SHISA6: variants seen among roughly 807,000 people sequenced by gnomAD.
The protein encoded by SHISA6 is shisa family member 6, also known as protein shisa-6.
In SHISA6, 22 loss-of-function variants were observed where a neutral mutation model predicts 47.9. The observed-to-expected ratio is 0.46, with a 90% CI of 0.33 to 0.66. The LOEUF is 0.66. SHISA6 is among the 30% of genes least tolerant of loss of function. The pLI, the probability that SHISA6 is intolerant of heterozygous loss-of-function variation, is 0.02. For missense variants in SHISA6, 680 were observed against 764.6 expected (o/e 0.89, Z 1.30); for synonymous variants, 388 against 337.8 (o/e 1.15, Z -1.63).
chr17:11,261,835 G>T (rs1014008543), intron 1 of SHISA6, among the ~76,000 whole-genome samples: 2 of 152,152 alleles, frequency 1.3e-5, no homozygotes, highest in African/African-American at 4.8e-5. Context: ...GAGTAGATTT[G>T]CTGGGCCATA....
intron 3 of SHISA6, among the ~76,000 whole-genome samples, chr17:11,488,547 G>T (rs1176948674): frequency 1.4e-4 from 21 of 152,154 alleles, no homozygotes; most frequent in Admixed American, 1.4e-3. Context: ...TACTACAAAT[G>T]CTTGGAGTAC....
At chr17:11,421,039 T>G (rs1402971169) in intron 3 of SHISA6, among the ~76,000 whole-genome samples, 1 of 152,186 alleles carries the variant, frequency 6.6e-6, no homozygotes. Context: ...AGCCCATTTC[T>G]CCTCATCCCA....
At chr17:11,431,717 T>A (rs1297570512) in intron 3 of SHISA6, among the ~76,000 whole-genome samples, 2 of 152,184 alleles carry the variant, frequency 1.3e-5, no homozygotes, top group East Asian at 1.9e-4. Flanking sequence ...TCCTTAAACC[T>A]AAGTTATTCA....
intron 2 of SHISA6, among the ~76,000 whole-genome samples, chr17:11,353,913 A>G (rs1911988136): frequency 6.6e-6 from 1 of 152,124 alleles, no homozygotes; most frequent in Non-Finnish European, 1.5e-5. Context: ...AGACAGGGAA[A>G]AGGAACAGGC....
chr17:11,462,802 ATT>A lies in SHISA6; in HGVS notation c.895+83297_895+83298del, dbSNP rs568274083. Among the ~76,000 whole-genome samples the A allele has an allele frequency of 7.2e-3, 1,096 of 151,992 alleles. 15 individuals carry two copies. Among genetic ancestry groups the A allele is most frequent in the African/African-American group, 0.025 (1,042 of 41,480 alleles). On this transcript the variant is annotated intron_variant, in intron 3 of 5. Transcript: ENST00000441885. ...GCCACCATGCCTGGCTAATTTTTGT[ATT>A]TTTAGTGGAGATGAGGTTTCACCAT...
At chr17:11,425,426 G>C (rs935639003) in intron 3 of SHISA6, among the ~76,000 whole-genome samples, 6 of 152,186 alleles carry the variant, frequency 3.9e-5, no homozygotes, top group Admixed American at 6.5e-5. Flanking sequence ...TCATCTTATA[G>C]TTAATAGGGT....
chr17:11,251,124 G>A (rs925424116), intron 1 of SHISA6, among the ~76,000 whole-genome samples: 1 of 152,040 alleles, frequency 6.6e-6, no homozygotes, highest in Non-Finnish European at 1.5e-5. Flanking sequence ...TAGAACAGTT[G>A]GGTCTCACCT....
chr17:11,552,044 G>T, intron 4 of SHISA6, 92 bp downstream of exon 4: 1 of 1,323,672 alleles, frequency 7.6e-7, no homozygotes, highest in Non-Finnish European at 1.1e-6. Flanking sequence ...CAAACACACG[G>T]TCATAAACTC....
chr17:11,241,526 T>C lies in SHISA6; in HGVS notation c.104T>C (p.Leu35Pro). Residue 35 changes from leucine (L) to proline (P), a missense_variant, in exon 1 of 6, where the codon CTG becomes CCG. This residue lies in a region of SHISA6 where 121 missense variants were observed against 90.5 expected (regional missense o/e 1.34). Coordinates refer to ENST00000441885, the MANE Select transcript of SHISA6 (RefSeq NM_207386.4). This position sits in a 1 kb window ranked among gnomAD's most constrained non-coding sequence, Gnocchi z 5.5. Reference protein sequence around the residue: ...GARGRAANRTLSAGGAAVGGR... With the variant: ...GARGRAANRTPSAGGAAVGGR... Reference sequence around the variant, plus strand: ...CGCGGCCGCGCCGCCAACCGGACCCTGAGTGCAGGCGGCGCTGCCGTCGGG... The same window carrying C: ...CGCGGCCGCGCCGCCAACCGGACCCCGAGTGCAGGCGGCGCTGCCGTCGGG... The C allele has an allele frequency of 2.7e-6, 3 of 1,121,334 alleles. No individual in the cohort carries two copies. The highest frequency in any genetic ancestry group is 2.2e-6 in the Non-Finnish European group (2 of 916,714). 69.5% of individuals were successfully genotyped at this position (1,121,334 alleles called of 1,614,324 possible). A position where few individuals can be genotyped will look rare whatever the true frequency, so the allele number is the denominator to read the frequency against.
chr17:11,244,101 G>A (rs534830828), intron 1 of SHISA6, among the ~76,000 whole-genome samples: 15 of 152,290 alleles, frequency 9.8e-5, no homozygotes, highest in African/African-American at 3.1e-4. Flanking sequence ...GGGTGAAGGT[G>A]ATTACGGCAT....
At chr17:11,291,508 C>T (rs1597443118) in intron 2 of SHISA6, among the ~76,000 whole-genome samples, 1 of 152,042 alleles carries the variant, frequency 6.6e-6, no homozygotes, top group Non-Finnish European at 1.5e-5. Context: ...GTGGCGGGCG[C>T]CTGTAGTCCC....
At chr17:11,528,571 G>T (rs1377013314) in intron 3 of SHISA6, among the ~76,000 whole-genome samples, 1 of 152,174 alleles carries the variant, frequency 6.6e-6, no homozygotes. Flanking sequence ...GCATGGAATT[G>T]TATGTGTAAT....
At chr17:11,261,406 G>A (rs1258379315) in intron 1 of SHISA6, among the ~76,000 whole-genome samples, 1 of 152,246 alleles carries the variant, frequency 6.6e-6, no homozygotes, top group Non-Finnish European at 1.5e-5. Flanking sequence ...GACCAGCTCA[G>A]TGCAGCCCAC....
At chr17:11,354,429 G>C (rs906720447) in intron 2 of SHISA6, among the ~76,000 whole-genome samples, 1 of 152,172 alleles carries the variant, frequency 6.6e-6, no homozygotes, top group African/African-American at 2.4e-5. Flanking sequence ...TGATGGCAGG[G>C]ATGCTACCAG....
At chr17:11,331,306 A>G (rs1911102270) in intron 2 of SHISA6, among the ~76,000 whole-genome samples, 1 of 152,226 alleles carries the variant, frequency 6.6e-6, no homozygotes, top group African/African-American at 2.4e-5. Context: ...CAAAAGAGAC[A>G]ACAAACAGCA....
At chr17:11,400,679 C>G (rs1913739545) in intron 3 of SHISA6, among the ~76,000 whole-genome samples, 1 of 152,134 alleles carries the variant, frequency 6.6e-6, no homozygotes, top group South Asian at 2.1e-4. Context: ...GTAGTGGTTT[C>G]CATTTCCTAT....
At chr17:11,308,636 G>A (rs1335789599) in intron 2 of SHISA6, among the ~76,000 whole-genome samples, 2 of 152,138 alleles carry the variant, frequency 1.3e-5, no homozygotes, top group East Asian at 3.9e-4. Context: ...AATCAAGTTT[G>A]TCCAGCATGA....
chr17:11,389,951 T>C (rs905119274), intron 3 of SHISA6, among the ~76,000 whole-genome samples: 3 of 152,186 alleles, frequency 2.0e-5, no homozygotes, highest in Non-Finnish European at 4.4e-5. Context: ...CTTGGGTTTG[T>C]GGCCAGGAGA....
At chr17:11,493,652 G>A (rs948580373) in intron 3 of SHISA6, among the ~76,000 whole-genome samples, 4 of 152,170 alleles carry the variant, frequency 2.6e-5, no homozygotes, top group African/African-American at 9.7e-5. Flanking sequence ...CTTCAGCAGA[G>A]TTGCCAGGCC....
Sources: gnomAD v4.1 joint callset for allele counts (sites outside exome capture counted in the v4.1 genomes callset) on GRCh38, gnomAD v4.1.1 for gene constraint, gnomAD v4.1.1 regional missense constraint, Gnocchi (gnomAD v3.1) non-coding constraint, MANE v1.5 for transcripts, NCBI Gene and HGNC (gene_info 2026-07-23, HGNC 2026-07-21) for gene names.